The following DOCK1 variants were observed in gnomAD, a reference collection of about 807,000 sequenced individuals.
DOCK1 encodes the protein dedicator of cytokinesis 1.
Under a neutral mutation model 262.7 loss-of-function variants are expected in DOCK1, and 138 were observed. The ratio of observed to expected loss-of-function variants is 0.53; its 90% CI spans 0.46 to 0.61. The LOEUF (loss-of-function observed/expected upper bound fraction) is 0.61. Ranked by LOEUF, DOCK1 falls within the 20% of genes least tolerant of loss-of-function variation. The pLI is 0.00. For missense variants in DOCK1, 1,908 were observed against 2,370.7 expected, an observed-to-expected ratio of 0.80 and a Z score of 4.05; for synonymous variants, 866 against 867.4, an observed-to-expected ratio of 1.00 and a Z score of 0.03.
chr10:127,430,321 G>C (rs1278592298), intron 47 of DOCK1, among the ~76,000 whole-genome samples: 2 of 152,228 alleles, frequency 1.3e-5, no homozygotes, highest in Non-Finnish European at 2.9e-5. Flanking sequence ...AGACCCTGGG[G>C]TTCCTCAGAG....
Position 126,905,559 on chromosome 10 carries a change from C to A in DOCK1, c.42C>A (p.Gly14=). Residue 14 remains glycine (G), a synonymous_variant, in exon 1 of 52, where the codon GGC becomes GGA. Transcript: ENST00000623213. The part of the protein sequence containing the change: ...WVPTKREEKY[G]VAFYNYDARG... Reference sequence around the variant, plus strand: ...CCACCAAGCGCGAGGAGAAGTACGGCGTGGGTGAGCAGCGCCGCCGCCGCC... The same window carrying A: ...CCACCAAGCGCGAGGAGAAGTACGGAGTGGGTGAGCAGCGCCGCCGCCGCC... The A allele has an allele frequency of 4.5e-6, 2 of 439,700 alleles. No individual in the cohort carries two copies. Among genetic ancestry groups the A allele is most frequent in the Non-Finnish European group, 8.3e-6 (2 of 242,144 alleles). 27.2% of individuals were successfully genotyped at this position (439,700 alleles called of 1,614,324 possible). A position where few individuals can be genotyped will look rare whatever the true frequency, so the allele number is the denominator to read the frequency against.
At chr10:127,206,600 A>T (rs187747099) in intron 27 of DOCK1, among the ~76,000 whole-genome samples, 1 of 152,148 alleles carries the variant, frequency 6.6e-6, no homozygotes, top group African/African-American at 2.4e-5. Context: ...TAGGTGCTCT[A>T]TGTTCTCCAA....
chr10:127,356,564 A>C (rs947979154), intron 32 of DOCK1, among the ~76,000 whole-genome samples: 2 of 152,162 alleles, frequency 1.3e-5, no homozygotes, highest in African/African-American at 4.8e-5. Context: ...CTGTTAGGCC[A>C]GACGGCAGGC....
At chr10:127,211,698 T>C (rs1156443539) in intron 27 of DOCK1, among the ~76,000 whole-genome samples, 1 of 152,194 alleles carries the variant, frequency 6.6e-6, no homozygotes, top group Non-Finnish European at 1.5e-5. Context: ...CTAAACATAC[T>C]GAAAATAACG....
At chr10:126,906,517 G>C (rs796800123) in intron 1 of DOCK1, among the ~76,000 whole-genome samples, 1 of 152,262 alleles carries the variant, frequency 6.6e-6, no homozygotes, top group African/African-American at 2.4e-5. Flanking sequence ...GCTATTCCCC[G>C]TCCCACCATC....
At chr10:127,028,667 T>C (rs1449524447) in intron 16 of DOCK1, among the ~76,000 whole-genome samples, 2 of 152,156 alleles carry the variant, frequency 1.3e-5, no homozygotes, top group African/African-American at 2.4e-5. Context: ...GCTGCTGGGG[T>C]TTCTCCTCTT....
At chr10:127,140,572 C>CT (rs2051133406) in intron 27 of DOCK1, among the ~76,000 whole-genome samples, 1 of 149,714 alleles carries the variant, frequency 6.7e-6, no homozygotes, top group Non-Finnish European at 1.5e-5. Flanking sequence ...GTTCTGGACA[C>CT]TGCTTCCTGC....
At chr10:127,297,554 G>A (rs372596051) in intron 29 of DOCK1, among the ~76,000 whole-genome samples, 38 of 152,238 alleles carry the variant, frequency 2.5e-4, no homozygotes, top group Middle Eastern at 3.4e-3. Flanking sequence ...GGAAGGGTGC[G>A]TTTGCTGTGA....
At chr10:127,127,841 G>A in intron 27 of DOCK1, 77 bp downstream of exon 27, 1 of 1,293,270 alleles carries the variant, frequency 7.7e-7, no homozygotes, top group Non-Finnish European at 1.1e-6. Flanking sequence ...TTTGAACATA[G>A]CTTATTATAC....
intron 10 of DOCK1, among the ~76,000 whole-genome samples, chr10:127,006,387 T>C (rs1249049938): frequency 6.6e-6 from 1 of 152,232 alleles, no homozygotes; most frequent in Non-Finnish European, 1.5e-5. Flanking sequence ...ACCCGGCCTC[T>C]CCCTCACACA....
intron 1 of DOCK1, among the ~76,000 whole-genome samples, chr10:126,939,001 C>CGAACACCGGAGGGGAT (rs2034774853): frequency 9.9e-6 from 1 of 101,048 alleles, no homozygotes; most frequent in Admixed American, 1.5e-4. Context: ...CCGGAGGGGA[C>CGAACACCGGAGGGGAT]GAACACCGGA....
At chr10:127,236,821 CTG>C (rs1564924918) in intron 27 of DOCK1, among the ~76,000 whole-genome samples, 1 of 152,072 alleles carries the variant, frequency 6.6e-6, no homozygotes, top group Non-Finnish European at 1.5e-5. Context: ...TAGCCAGCCA[CTG>C]TGCAAATATC....
At chr10:127,195,709 G>T (rs1451177433) in intron 27 of DOCK1, among the ~76,000 whole-genome samples, 4 of 152,220 alleles carry the variant, frequency 2.6e-5, no homozygotes, top group Admixed American at 6.5e-5. Context: ...CAGAGGCGCA[G>T]CCCCGCTCCT....
chr10:127,426,455 G>C (rs569592018), intron 47 of DOCK1, among the ~76,000 whole-genome samples: 21 of 152,322 alleles, frequency 1.4e-4, no homozygotes, highest in African/African-American at 4.3e-4. Flanking sequence ...GACATCAGAG[G>C]ATCATGGCCA....
intron 27 of DOCK1, among the ~76,000 whole-genome samples, chr10:127,177,530 C>T (rs373014652): frequency 4.6e-5 from 7 of 152,208 alleles, no homozygotes; most frequent in Non-Finnish European, 8.8e-5. Context: ...AACAGTCAAA[C>T]GGAAGGCACT....
chr10:126,965,437 T>C (rs2037596711), intron 1 of DOCK1, among the ~76,000 whole-genome samples: 1 of 152,208 alleles, frequency 6.6e-6, no homozygotes, highest in African/African-American at 2.4e-5. Flanking sequence ...TCCCAGACTT[T>C]GGAGTGAGAG....
intron 29 of DOCK1, among the ~76,000 whole-genome samples, chr10:127,296,548 C>A (rs547172953): frequency 1.3e-5 from 2 of 152,294 alleles, no homozygotes; most frequent in Admixed American, 1.3e-4. Context: ...TTGCAAGATG[C>A]CGTCGAGGCT....
chr10:127,356,201 C>T (rs950977845), intron 32 of DOCK1, among the ~76,000 whole-genome samples: 1 of 152,186 alleles, frequency 6.6e-6, no homozygotes, highest in Non-Finnish European at 1.5e-5. Flanking sequence ...ACCATCCTGT[C>T]CTTGGCCTTC....
At chr10:127,183,992 T>A (rs779502504) in intron 27 of DOCK1, among the ~76,000 whole-genome samples, 16 of 152,152 alleles carry the variant, frequency 1.1e-4, no homozygotes, top group Non-Finnish European at 1.6e-4. Context: ...ATCTAATGTC[T>A]TCGAAGGTTT....
Sources: allele counts gnomAD v4.1 joint callset (sites outside exome capture counted in the v4.1 genomes callset), GRCh38; gene constraint gnomAD v4.1.1; transcripts MANE v1.5; gene names NCBI Gene and HGNC (gene_info 2026-07-23, HGNC 2026-07-21).